The following SLC36A2 variants were observed in gnomAD, a reference collection of about 807,000 sequenced individuals.
SLC36A2 encodes solute carrier family 36 member 2, also known as proton-coupled amino acid transporter 2.
A neutral mutation model predicts 42.7 loss-of-function variants in SLC36A2; 39 were observed. The ratio of observed to expected loss-of-function variants is 0.91; its 90% CI spans 0.71 to 1.19. The LOEUF (loss-of-function observed/expected upper bound fraction) is 1.19. SLC36A2 is among the 50% of genes most tolerant of loss of function. The probability of loss-of-function intolerance (pLI) is 0.00; values close to 1 mark genes in which losing one functional copy is unlikely to be tolerated. For synonymous variants in SLC36A2, 237 were observed against 240.8 expected (o/e 0.98, Z 0.15); for missense variants, 590 against 613.7 (o/e 0.96, Z 0.41).
chr5:151,346,219 C>T (rs1756493425), intron 1 of SLC36A2, among the ~76,000 whole-genome samples: 1 of 152,202 alleles, frequency 6.6e-6, no homozygotes, highest in African/African-American at 2.4e-5. Flanking sequence ...TTAGCAGTGG[C>T]TGGCCCCAAC....
intron 6 of SLC36A2, among the ~76,000 whole-genome samples, 164 bp downstream of exon 6, chr5:151,335,165 A>G (rs1280559346): frequency 1.3e-5 from 2 of 152,204 alleles, no homozygotes; most frequent in African/African-American, 4.8e-5. Flanking sequence ...GAAGAATGGG[A>G]CTGCACGGAG....
intron 9 of SLC36A2, 110 bp from the exon 10 acceptor site, chr5:151,317,198 TC>T: frequency 1.4e-6 from 2 of 1,420,296 alleles, no homozygotes; most frequent in Non-Finnish European, 1.9e-6. Context: ...ACACTTGTAA[TC>T]CCAGCACTTT....
At position 151,317,041 on chromosome 5, in the gene SLC36A2, C is replaced by G. The variant is rs905519053; in HGVS notation, c.1228G>C (p.Val410Leu). 12 of 1,613,958 alleles carry G rather than the reference C, an allele frequency of 7.4e-6. No individual in the cohort carries two copies. Among genetic ancestry groups the G allele is most frequent in the Non-Finnish European group, 7.6e-6 (9 of 1,180,026 alleles). ...AGGGCGGTGCCACTCACGGAGCCCACCAGGGAGATGACCAGGTCCAGGCGG... is the reference window on the plus strand; with the variant it reads ...AGGGCGGTGCCACTCACGGAGCCCAGCAGGGAGATGACCAGGTCCAGGCGG... ...IPRLDLVISL[V>L]GSVSGTALAL... The change falls in exon 10 of 10, where the codon GTG becomes CTG. Residue 410 changes from valine (V) to leucine (L), a missense_variant. Val to Leu is a conservative substitution (Grantham distance 32, BLOSUM62 1). Coordinates refer to ENST00000335244, the MANE Select transcript of SLC36A2 (RefSeq NM_181776.3).
Position 151,343,496 on chromosome 5 carries a change from G to A in SLC36A2, c.344+14C>T, listed in dbSNP as rs1756404440. The A allele has an allele frequency of 6.2e-7, 1 of 1,612,770 alleles. No homozygotes were observed. Among genetic ancestry groups the A allele is most frequent in the Non-Finnish European group, 8.5e-7 (1 of 1,178,834 alleles). ...GCACCAAAGGAATTGACACAAGGAG[G>A]CTGTTTTCCTCACCTCTTACAGAAG... On this transcript the variant is annotated intron_variant, in intron 3 of 9. Transcript: ENST00000335244.
chr5:151,334,401 A>T (rs758778675), intron 6 of SLC36A2, among the ~76,000 whole-genome samples: 25 of 151,534 alleles, frequency 1.6e-4, no homozygotes, highest in Non-Finnish European at 2.4e-4. Flanking sequence ...TTATAAAAGA[A>T]GAATTAGGCT....
At chr5:151,341,565 A>G (rs1419192644) in intron 4 of SLC36A2, among the ~76,000 whole-genome samples, 1 of 152,218 alleles carries the variant, frequency 6.6e-6, no homozygotes, top group Admixed American at 6.5e-5. Context: ...CCCAAGTACC[A>G]GAGGACAAAG....
At chr5:151,326,644 C>G (rs942743869) in intron 7 of SLC36A2, among the ~76,000 whole-genome samples, 3 of 152,042 alleles carry the variant, frequency 2.0e-5, no homozygotes, top group African/African-American at 7.2e-5. Context: ...GTCTTTGAAA[C>G]CAATCTTCCT....
intron 6 of SLC36A2, 82 bp from the exon 7 acceptor site, chr5:151,333,404 G>GT: frequency 2.5e-6 from 3 of 1,195,808 alleles, no homozygotes; most frequent in Non-Finnish European, 3.7e-6. Flanking sequence ...TCTGAAATGA[G>GT]ACCTGAATTT....
chr5:151,340,227 G>A (rs1463142730), intron 4 of SLC36A2, among the ~76,000 whole-genome samples: 3 of 148,462 alleles, frequency 2.0e-5, no homozygotes, highest in Non-Finnish European at 3.0e-5. Flanking sequence ...GAGAGGAGGA[G>A]GAAGGGGAGG....
intron 7 of SLC36A2, among the ~76,000 whole-genome samples, chr5:151,330,403 C>T (rs1755964931): frequency 6.6e-6 from 1 of 151,992 alleles, no homozygotes; most frequent in South Asian, 2.1e-4. Context: ...GTCATATTTT[C>T]AAAATGATGA....
At chr5:151,336,482 C>G (rs147609733) in intron 5 of SLC36A2, among the ~76,000 whole-genome samples, 1,577 of 81,538 alleles carry the variant, frequency 0.019, 25 homozygotes, top group African/African-American at 0.092. Context: ...TTTTTTTTTG[C>G]GTATAATAAA....
intron 9 of SLC36A2, 199 bp downstream of exon 9, chr5:151,321,844 ATTG>A (rs1164930273): frequency 1.7e-5 from 10 of 573,138 alleles, no homozygotes; most frequent in Non-Finnish European, 2.8e-5. Context: ...CGCCTGGTTA[ATTG>A]TTGTATTTTT....
At chr5:151,342,500 C>T (rs932068592) in intron 4 of SLC36A2, among the ~76,000 whole-genome samples, 35 of 152,186 alleles carry the variant, frequency 2.3e-4, no homozygotes, top group African/African-American at 7.0e-4. Context: ...TTTCCTTCAT[C>T]GTACATATCC....
chr5:151,330,987 T>C (rs1755980294), intron 7 of SLC36A2, among the ~76,000 whole-genome samples: 1 of 152,214 alleles, frequency 6.6e-6, no homozygotes, highest in African/African-American at 2.4e-5. Flanking sequence ...GGTAGACTTA[T>C]GATCTTATAG....
At chr5:151,343,887 G>A (rs935890917) in intron 2 of SLC36A2, among the ~76,000 whole-genome samples, 1 of 152,116 alleles carries the variant, frequency 6.6e-6, no homozygotes, top group Non-Finnish European at 1.5e-5. Context: ...CATCCCCAAG[G>A]GGACCTGGTG....
rs113317650 is a variant in SLC36A2, at chr5:151,339,317, CT to C, written c.441-174del. ...GCAAAGAAGTAAGGTAACAATCGTT[CT>C]TTTTTTTTTTTTTTAGAAGGAGTTT... On this transcript the variant is annotated intron_variant, in intron 4 of 9. Transcript: ENST00000335244. Among the ~76,000 whole-genome samples the C allele has an allele frequency of 3.2e-3, 460 of 144,812 alleles. 1 individual carries two copies. The highest frequency in any genetic ancestry group is 3.6e-3 in the Middle Eastern group (1 of 276).
At position 151,343,581 on chromosome 5, in the gene SLC36A2, C is replaced by T. The variant is rs35403441; in HGVS notation, c.273G>A (p.Leu91=). The T allele has an allele frequency of 7.7e-3, 12,438 of 1,614,120 alleles. 70 individuals are homozygous for T. Among genetic ancestry groups the T allele is most frequent in the South Asian group, 0.01 (951 of 91,084 alleles). ...NAGILMGPLS[L]LVMGFIACHC... is the part of the protein sequence containing the mutation. ...GGCAGGCAATGAAGCCCATCACCAG[C>T]AGACTGAGTGGGCCCATCTGGAGGA... The change falls in exon 3 of 10, where the codon CTG becomes CTA. Residue 91 remains leucine, a synonymous_variant. Coordinates refer to ENST00000335244, the MANE Select transcript of SLC36A2 (RefSeq NM_181776.3).
At chr5:151,337,049 A>C (rs1198225006) in intron 5 of SLC36A2, among the ~76,000 whole-genome samples, 3 of 152,228 alleles carry the variant, frequency 2.0e-5, no homozygotes, top group Admixed American at 6.5e-5. Context: ...TACATAAATG[A>C]ATCATTTAAG....
At chr5:151,323,610 T>C (rs1308304858) in intron 8 of SLC36A2, among the ~76,000 whole-genome samples, 2 of 152,312 alleles carry the variant, frequency 1.3e-5, no homozygotes, top group South Asian at 2.1e-4. Context: ...GAGTGGTCCA[T>C]GTTTGGATTG....
Sources: allele counts gnomAD v4.1 joint callset (sites outside exome capture counted in the v4.1 genomes callset), GRCh38; gene constraint gnomAD v4.1.1; transcripts MANE v1.5; gene names NCBI Gene and HGNC (gene_info 2026-07-23, HGNC 2026-07-21).